TPPP2: variants seen among roughly 807,000 people sequenced by gnomAD.
TPPP2 encodes the protein tubulin polymerization promoting protein family member 2, also known as tubulin polymerization-promoting protein family member 2.
Under a neutral mutation model 13.0 loss-of-function variants are expected in TPPP2, and 8 were observed. The ratio of observed to expected loss-of-function variants is 0.62; its 90% CI spans 0.36 to 1.11. The LOEUF (loss-of-function observed/expected upper bound fraction) is 1.11. Among genes scored for constraint, TPPP2 ranks in the 50% most tolerant of loss-of-function variants. TPPP2 has a pLI of 0.02. For missense variants in TPPP2, 213 were observed against 216.9 expected, an observed-to-expected ratio of 0.98 and a Z score of 0.11; for synonymous variants, 81 against 81.8, an observed-to-expected ratio of 0.99 and a Z score of 0.05.
At chr14:21,033,186 G>C, downstream of TPPP2, 1 of 365,430 alleles carries the variant, frequency 2.7e-6, no homozygotes, top group Non-Finnish European at 5.3e-6. Context: ...GGAGTGTGGG[G>C]GAGACAGTCC....
downstream of TPPP2, chr14:21,035,863 C>A (rs1476659095): frequency 4.4e-6 from 2 of 456,022 alleles, no homozygotes; most frequent in South Asian, 3.1e-5. Context: ...ATCCCAGCTA[C>A]GGGGAGGCGG....
downstream of TPPP2, among the ~76,000 whole-genome samples, chr14:21,035,135 G>C (rs1884535278): frequency 6.6e-6 from 1 of 152,166 alleles, no homozygotes; most frequent in African/African-American, 2.4e-5. Context: ...CCACCAAAGT[G>C]CTGGGCTGAG....
chr14:21,026,636 A>G (rs1029187575), upstream of TPPP2, among the ~76,000 whole-genome samples: 1 of 151,974 alleles, frequency 6.6e-6, no homozygotes, highest in Middle Eastern at 3.2e-3. Context: ...CCACAGTAGG[A>G]AAACTGGTCG....
At chr14:21,030,779 G>C in intron 2 of TPPP2, 25 bp downstream of exon 2, 4 of 1,610,436 alleles carry the variant, frequency 2.5e-6, no homozygotes, top group Non-Finnish European at 3.4e-6. Flanking sequence ...ATATGGAGGT[G>C]GGGGTGAGAA....
At chr14:21,026,890 G>T (rs1056913013), upstream of TPPP2, among the ~76,000 whole-genome samples, 1 of 152,174 alleles carries the variant, frequency 6.6e-6, no homozygotes, top group Non-Finnish European at 1.5e-5. Flanking sequence ...CCAAAGGTGC[G>T]CAAGACAGGA....
Position 21,030,770 on chromosome 14 carries a change from T to C in TPPP2, c.173+16T>C. ...GCAAAGTCAAGTGAGGAGCCAAAAA[T>C]ATGGAGGTGGGGGTGAGAAGAACCT... On this transcript the variant is annotated intron_variant, in intron 2 of 3. Transcript: ENST00000321760. 1.9e-6 allele frequency: 3 copies of C among 1,611,860 alleles called. No homozygotes were observed. Among genetic ancestry groups the C allele is most frequent in the Non-Finnish European group, 2.5e-6 (3 of 1,178,816 alleles).
upstream of TPPP2, chr14:21,025,716 C>T (rs930874586): frequency 8.2e-5 from 80 of 981,566 alleles, no homozygotes; most frequent in Non-Finnish European, 9.2e-5. This position sits in a 1 kb window ranked among gnomAD's most constrained non-coding sequence, Gnocchi z 5.1. Flanking sequence ...TGCTCTCCGG[C>T]TGCTCCGGGA....
chr14:21,034,554 G>T, downstream of TPPP2: 2 of 440,752 alleles, frequency 4.5e-6, no homozygotes, highest in South Asian at 4.8e-5. Flanking sequence ...CAGAATAAGA[G>T]CTCTAACTGG....
rs1204476666 is a variant in TPPP2 at position 21,024,385 on chromosome 14, C to G, written n.236+41C>G. The G allele has an allele frequency of 7.6e-6, 7 of 919,676 alleles. No homozygotes were observed. The East Asian group carries it at 7.0e-4, about 93-fold the overall frequency. 57.0% of individuals were successfully genotyped at this position (919,676 alleles called of 1,614,324 possible). On this transcript the variant is annotated intron_variant and non_coding_transcript_variant, in intron 1 of 1. Transcript: ENST00000533755. ...TGTCAGAACCTCCGGATTCGAATCC[C>G]GGCTCTGCCACTCCCAGTGTGACCT...
upstream of TPPP2, chr14:21,025,787 A>T: frequency 3.6e-6 from 2 of 553,580 alleles, no homozygotes; most frequent in Non-Finnish European, 4.2e-6. This position sits in a 1 kb window ranked among gnomAD's most constrained non-coding sequence, Gnocchi z 5.1. Flanking sequence ...CTATAAATAG[A>T]GGGCGATCGC....
At chr14:21,030,492 C>T (rs191290827) in intron 1 of TPPP2, 21 bp from the exon 2 acceptor site, 365 of 1,353,942 alleles carry the variant, frequency 2.7e-4, no homozygotes, top group Non-Finnish European at 3.3e-4. Flanking sequence ...TACCATAACA[C>T]TCATCCTCAT....
chr14:21,030,121 T>G (rs1883958839), upstream of TPPP2: 1 of 154,482 alleles, frequency 6.5e-6, no homozygotes, highest in Non-Finnish European at 1.4e-5. Flanking sequence ...AAAAGCCCCC[T>G]CCTTTGAAGG....
In TPPP2 at chr14:21,030,563, C is replaced by A; in HGVS notation, c.-19C>A. The A allele has an allele frequency of 6.2e-7, 1 of 1,611,488 alleles. No individual in the cohort carries two copies. Among genetic ancestry groups the A allele is most frequent in the Non-Finnish European group, 8.5e-7 (1 of 1,178,868 alleles). The stretch of plus-strand genomic sequence containing the variant: ...CCCAAGTGTCTCCCACGACTGCCCT[C>A]CCCGACCTCTAGCTGACCATGGCAT... On this transcript the variant is annotated 5_prime_UTR_variant, in exon 2 of 4. Transcript: ENST00000321760.
upstream of TPPP2, among the ~76,000 whole-genome samples, chr14:21,026,650 T>TA (rs2139057792): frequency 6.6e-6 from 1 of 152,032 alleles, no homozygotes; most frequent in Non-Finnish European, 1.5e-5. Context: ...CTGGTCGGGC[T>TA]AAAACCCAGC....
chr14:21,031,889 C>T lies in TPPP2; in HGVS notation c.328-3C>T. 6.2e-7 allele frequency: 1 copy of T among 1,611,918 alleles called. No homozygotes were observed. Among genetic ancestry groups the T allele is most frequent in the Non-Finnish European group, 8.5e-7 (1 of 1,178,274 alleles). On this transcript the variant is annotated splice_region_variant and splice_polypyrimidine_tract_variant and intron_variant, in intron 3 of 3. Transcript: ENST00000321760. The stretch of plus-strand genomic sequence containing the variant: ...AGAGCTCAAATCCATCCCTGGCTTG[C>T]AGAAAGCAACAACAGTGGGTGCAGT...
chr14:21,036,164 T>A (rs551207470), downstream of TPPP2: 2 of 456,150 alleles, frequency 4.4e-6, no homozygotes, highest in African/African-American at 4.0e-5. Flanking sequence ...CCCAAGCCCA[T>A]CTCTTCCATT....
Position 21,024,907 on chromosome 14 carries a change from C to G in TPPP2, n.236+563C>G, listed in dbSNP as rs1032463830. 7.1e-6 allele frequency: 7 copies of G among 985,512 alleles called. No individual in the cohort carries two copies. The African/African-American group carries it at 8.7e-5, about 12-fold the overall frequency. 61.0% of individuals were successfully genotyped at this position (985,512 alleles called of 1,614,324 possible). On this transcript the variant is annotated intron_variant and non_coding_transcript_variant, in intron 1 of 1. Transcript: ENST00000533755. ...CCTTTGTGCGCAGCAACCGAGCGCC[C>G]GCTCCGTGCTGGCCCTTTCCCCCGA...
upstream of TPPP2, among the ~76,000 whole-genome samples, chr14:21,028,090 A>G (rs1883815469): frequency 6.6e-6 from 1 of 152,184 alleles, no homozygotes; most frequent in Non-Finnish European, 1.5e-5. Flanking sequence ...TAAATGACAT[A>G]TCTAGGATTC....
At position 21,030,597 on chromosome 14, in the gene TPPP2, G is replaced by GA. The variant is rs746244209; in HGVS notation, c.22dup (p.Thr8AsnfsTer17). ...CTAGCTGACCATGGCATCAGAGGCA[G>GA]AAAAAACATTCCATCGGTTTGCTGC... On this transcript the variant is annotated frameshift_variant, in exon 2 of 4. Transcript: ENST00000321760. LOFTEE classifies it high-confidence loss of function. The GA allele has an allele frequency of 1.2e-5, 19 of 1,613,632 alleles. No individual in the cohort carries two copies. The highest frequency in any genetic ancestry group is 1.6e-4 in the Middle Eastern group (1 of 6,084).
Sources: gnomAD v4.1 joint callset for allele counts (sites outside exome capture counted in the v4.1 genomes callset) on GRCh38, gnomAD v4.1.1 for gene constraint, Gnocchi (gnomAD v3.1) non-coding constraint, MANE v1.5 for transcripts, NCBI Gene and HGNC (gene_info 2026-07-23, HGNC 2026-07-21) for gene names.